TRHDE: variants seen among roughly 807,000 people sequenced by gnomAD.
TRHDE encodes the protein thyrotropin releasing hormone degrading enzyme, also known as thyrotropin-releasing hormone-degrading ectoenzyme.
In TRHDE, 72 loss-of-function variants were observed where a neutral mutation model predicts 125.7. That is an observed-to-expected ratio of 0.57 (90% CI 0.47 to 0.70). The LOEUF (loss-of-function observed/expected upper bound fraction) is 0.70. Ranked by LOEUF, TRHDE falls within the 30% of genes least tolerant of loss-of-function variation. The pLI is 0.00. For synonymous variants in TRHDE, 509 were observed against 509.1 expected, an observed-to-expected ratio of 1.00 and a Z score of 0.00; for missense variants, 1,110 against 1,327.1, an observed-to-expected ratio of 0.84 and a Z score of 2.54.
chr12:72,452,177 A>G (rs532925744), intron 3 of TRHDE, among the ~76,000 whole-genome samples: 1 of 141,240 alleles, frequency 7.1e-6, no homozygotes, highest in African/African-American at 3.0e-5. Context: ...TATTGGTTAT[A>G]TTTATTCCTG....
chr12:72,306,073 C>T (rs573017083), intron 2 of TRHDE, among the ~76,000 whole-genome samples: 1 of 152,142 alleles, frequency 6.6e-6, no homozygotes, highest in Non-Finnish European at 1.5e-5. Context: ...ATTCCCTTTT[C>T]CCCTCTGCTG....
intron 2 of TRHDE, among the ~76,000 whole-genome samples, chr12:72,121,521 C>T (rs1328663034): frequency 1.3e-5 from 2 of 152,148 alleles, no homozygotes; most frequent in Non-Finnish European, 2.9e-5. Flanking sequence ...ATGCAAAGTA[C>T]CGCAATCACT....
At chr12:72,392,749 T>C (rs1444130891) in intron 3 of TRHDE, among the ~76,000 whole-genome samples, 1 of 152,210 alleles carries the variant, frequency 6.6e-6, no homozygotes, top group East Asian at 1.9e-4. Context: ...ACCCCTTTAG[T>C]TTAATAATAT....
intron 3 of TRHDE, among the ~76,000 whole-genome samples, chr12:72,393,070 A>G (rs780814980): frequency 2.6e-5 from 4 of 152,158 alleles, no homozygotes; most frequent in Non-Finnish European, 5.9e-5. Context: ...CATATATTGT[A>G]TATTTATATT....
intron 1 of TRHDE, among the ~76,000 whole-genome samples, chr12:72,280,621 T>C (rs1276884969): frequency 1.3e-5 from 2 of 152,132 alleles, no homozygotes; most frequent in African/African-American, 2.4e-5. Context: ...TTGGATCAAA[T>C]ACTGGGAGAT....
chr12:72,246,219 A>T (rs1878573061), intron 2 of TRHDE, among the ~76,000 whole-genome samples: 1 of 150,976 alleles, frequency 6.6e-6, no homozygotes, highest in Non-Finnish European at 1.5e-5. Context: ...AATGAAAAAA[A>T]ATTTCCCTAC....
chr12:72,163,460 GA>G (rs1428192051), intron 2 of TRHDE, among the ~76,000 whole-genome samples: 4 of 152,186 alleles, frequency 2.6e-5, no homozygotes, highest in Non-Finnish European at 5.9e-5. Context: ...AGCCTTAGGG[GA>G]AAAGGTTTTT....
At chr12:72,444,922 T>G (rs539126011) in intron 3 of TRHDE, among the ~76,000 whole-genome samples, 2 of 152,000 alleles carry the variant, frequency 1.3e-5, no homozygotes, top group South Asian at 4.2e-4. Context: ...TAAGCAGTTT[T>G]CATGACTTTA....
intron 2 of TRHDE, among the ~76,000 whole-genome samples, chr12:72,293,277 A>G (rs1880160082): frequency 6.6e-6 from 1 of 151,368 alleles, no homozygotes; most frequent in African/African-American, 2.4e-5. Flanking sequence ...GTTTGTGAAT[A>G]TTTTTTCCCA....
intron 2 of TRHDE, among the ~76,000 whole-genome samples, chr12:72,362,850 G>C (rs1871165638): frequency 6.6e-6 from 1 of 152,042 alleles, no homozygotes; most frequent in Non-Finnish European, 1.5e-5. Context: ...TTTTTCGCAG[G>C]TTTGTTCAAA....
intron 2 of TRHDE, among the ~76,000 whole-genome samples, chr12:72,181,327 T>C (rs765433298): frequency 2.6e-5 from 4 of 152,150 alleles, no homozygotes; most frequent in Non-Finnish European, 5.9e-5. Context: ...CCGGGCTTAA[T>C]GCTTCGAGTT....
chr12:72,542,785 G>C (rs1362894762), intron 7 of TRHDE, among the ~76,000 whole-genome samples: 6 of 150,990 alleles, frequency 4.0e-5, no homozygotes, highest in Non-Finnish European at 7.4e-5. Context: ...TTTTGCTGTT[G>C]ATATACATAG....
intron 15 of TRHDE, among the ~76,000 whole-genome samples, chr12:72,639,107 C>T (rs1441124838): frequency 1.3e-5 from 2 of 149,980 alleles, no homozygotes; most frequent in South Asian, 2.1e-4. Flanking sequence ...TGTTTTCCAA[C>T]TTGGTTCCAT....
chr12:72,229,486 GAC>G (rs1878205314), intron 2 of TRHDE, among the ~76,000 whole-genome samples: 1 of 152,128 alleles, frequency 6.6e-6, no homozygotes, highest in African/African-American at 2.4e-5. Context: ...TTTGGGTGAG[GAC>G]ACAGCCAAAC....
At chr12:72,608,891 G>A (rs1872543422) in intron 12 of TRHDE, among the ~76,000 whole-genome samples, 1 of 152,080 alleles carries the variant, frequency 6.6e-6, no homozygotes, top group Non-Finnish European at 1.5e-5. Flanking sequence ...TCAAATTCCA[G>A]CTCTACCCTT....
intron 3 of TRHDE, among the ~76,000 whole-genome samples, chr12:72,432,312 T>C (rs897737824): frequency 2.0e-5 from 3 of 152,162 alleles, no homozygotes; most frequent in Non-Finnish European, 4.4e-5. Flanking sequence ...TTTTATTCAG[T>C]GCAGGCACAA....
chr12:72,187,187 T>C (rs938756786), intron 2 of TRHDE, among the ~76,000 whole-genome samples: 1 of 152,218 alleles, frequency 6.6e-6, no homozygotes, highest in East Asian at 1.9e-4. Flanking sequence ...TTATTTCATT[T>C]GATCCTTGTG....
chr12:72,268,134 G>T (rs1429645681), upstream of TRHDE, among the ~76,000 whole-genome samples: 1 of 152,074 alleles, frequency 6.6e-6, no homozygotes, highest in African/African-American at 2.4e-5. Flanking sequence ...CACCACTTCA[G>T]CTGCTAAACA....
At chr12:72,244,185 C>A (rs765136642) in intron 2 of TRHDE, among the ~76,000 whole-genome samples, 2 of 152,134 alleles carry the variant, frequency 1.3e-5, no homozygotes, top group East Asian at 3.9e-4. Context: ...ATGTTACTGA[C>A]CCCCTACCTA....
Sources: gnomAD v4.1 joint callset for allele counts (sites outside exome capture counted in the v4.1 genomes callset) on GRCh38, gnomAD v4.1.1 for gene constraint, MANE v1.5 for transcripts, NCBI Gene and HGNC (gene_info 2026-07-23, HGNC 2026-07-21) for gene names.